Variants in MAML2 observed in about 807,000 individuals in gnomAD.
MAML2 encodes mastermind like transcriptional coactivator 2.
In MAML2, 22 loss-of-function variants were observed where a neutral mutation model predicts 96.1. That is an observed-to-expected ratio of 0.23 (90% CI 0.16 to 0.33). MAML2 has a LOEUF of 0.33. MAML2 is among the 10% of genes least tolerant of loss of function. The pLI is 1.00. For missense variants in MAML2, 1,367 were observed against 1,392.4 expected (o/e 0.98, Z 0.29); for synonymous variants, 561 against 521.3 (o/e 1.08, Z -1.04).
At chr11:96,129,591 A>G (rs1266395318) in intron 1 of MAML2, among the ~76,000 whole-genome samples, 1 of 152,138 alleles carries the variant, frequency 6.6e-6, no homozygotes, top group Non-Finnish European at 1.5e-5. Context: ...GGACACAACT[A>G]TGGGTAATTT....
chr11:96,167,663 T>G (rs1160253541), intron 1 of MAML2, among the ~76,000 whole-genome samples: 3 of 152,220 alleles, frequency 2.0e-5, no homozygotes, highest in African/African-American at 7.2e-5. Context: ...CTTCTCCCTC[T>G]TACTTGTCAC....
chr11:96,080,827 A>C (rs1008122523), intron 2 of MAML2, among the ~76,000 whole-genome samples: 3 of 152,226 alleles, frequency 2.0e-5, no homozygotes, highest in Non-Finnish European at 4.4e-5. Context: ...CTGAAGGAGT[A>C]AGATTATCAC....
chr11:96,231,801 G>A (rs1221250579), intron 1 of MAML2, among the ~76,000 whole-genome samples: 1 of 152,148 alleles, frequency 6.6e-6, no homozygotes, highest in Non-Finnish European at 1.5e-5. Context: ...TACCTACCCA[G>A]TCTTGTGGGC....
At chr11:96,324,580 AAAAAT>A (rs1315412644) in intron 1 of MAML2, among the ~76,000 whole-genome samples, 3 of 152,242 alleles carry the variant, frequency 2.0e-5, no homozygotes, top group Non-Finnish European at 4.4e-5. Context: ...ATGGAAATAC[AAAAAT>A]AAATAAGAAG....
intron 1 of MAML2, among the ~76,000 whole-genome samples, chr11:96,246,792 A>G (rs1232647492): frequency 6.6e-6 from 1 of 152,134 alleles, no homozygotes; most frequent in Non-Finnish European, 1.5e-5. Context: ...TAATATATAC[A>G]GTTTGAGGTT....
chr11:96,152,013 A>C (rs1213010157), intron 1 of MAML2, among the ~76,000 whole-genome samples: 1 of 152,192 alleles, frequency 6.6e-6, no homozygotes, highest in African/African-American at 2.4e-5. Flanking sequence ...ACTTGAGGCT[A>C]GGAGTTTAAG....
chr11:96,250,815 T>A (rs1862571592), intron 1 of MAML2, among the ~76,000 whole-genome samples: 1 of 152,228 alleles, frequency 6.6e-6, no homozygotes, highest in African/African-American at 2.4e-5. Flanking sequence ...GATTCAGGAT[T>A]AATAGTAACT....
chr11:96,005,045 T>C (rs151157573), intron 2 of MAML2, among the ~76,000 whole-genome samples: 1 of 152,170 alleles, frequency 6.6e-6, no homozygotes, highest in Non-Finnish European at 1.5e-5. Context: ...AATGCCATGA[T>C]GAGAAGGCAC....
chr11:96,026,942 T>C (rs1301972639), intron 2 of MAML2, among the ~76,000 whole-genome samples: 4 of 152,064 alleles, frequency 2.6e-5, no homozygotes, highest in African/African-American at 9.7e-5. Context: ...CTAACACCTA[T>C]AACAGTCCCT....
At chr11:96,028,073 C>T (rs535129456) in intron 2 of MAML2, among the ~76,000 whole-genome samples, 1 of 152,034 alleles carries the variant, frequency 6.6e-6, no homozygotes, top group Non-Finnish European at 1.5e-5. Flanking sequence ...AAACAAGGTC[C>T]CAATAATGTC....
At chr11:96,026,891 A>C (rs1275649655) in intron 2 of MAML2, among the ~76,000 whole-genome samples, 2 of 152,064 alleles carry the variant, frequency 1.3e-5, no homozygotes, top group East Asian at 1.9e-4. Flanking sequence ...TAAATAAATA[A>C]ATAAATAAAT....
intron 3 of MAML2, among the ~76,000 whole-genome samples, chr11:95,987,906 C>A (rs963065710): frequency 6.6e-6 from 1 of 152,094 alleles, no homozygotes; most frequent in Admixed American, 6.6e-5. Context: ...TGGTTTTGCC[C>A]AAACCCTAAA....
intron 1 of MAML2, among the ~76,000 whole-genome samples, chr11:96,255,757 G>A (rs2135969758): frequency 6.6e-6 from 1 of 151,732 alleles, no homozygotes; most frequent in East Asian, 1.9e-4. Flanking sequence ...GCAGAAGACA[G>A]AAAGAACCTG....
At chr11:96,332,234 C>T (rs1863864219) in intron 1 of MAML2, among the ~76,000 whole-genome samples, 1 of 152,210 alleles carries the variant, frequency 6.6e-6, no homozygotes, top group African/African-American at 2.4e-5. Flanking sequence ...AATTCCCATG[C>T]AACACGCACT....
intron 1 of MAML2, among the ~76,000 whole-genome samples, chr11:96,314,862 C>G (rs1218842144): frequency 6.6e-6 from 1 of 152,148 alleles, no homozygotes; most frequent in Non-Finnish European, 1.5e-5. Flanking sequence ...CCCCTGCAAT[C>G]CAGACTCTAG....
intron 1 of MAML2, among the ~76,000 whole-genome samples, chr11:96,321,144 C>T (rs1863694698): frequency 1.3e-5 from 2 of 152,216 alleles, no homozygotes; most frequent in African/African-American, 4.8e-5. Context: ...AAACATACTT[C>T]CAGATCTTTC....
chr11:96,215,625 T>C (rs1862037890), intron 1 of MAML2, among the ~76,000 whole-genome samples: 1 of 151,844 alleles, frequency 6.6e-6, no homozygotes, highest in East Asian at 1.9e-4. Context: ...TCATGAGCAG[T>C]TCACCGGTTA....
chr11:96,280,745 C>T (rs1863053590), intron 1 of MAML2, among the ~76,000 whole-genome samples: 1 of 152,202 alleles, frequency 6.6e-6, no homozygotes, highest in African/African-American at 2.4e-5. Flanking sequence ...TATATTGGGA[C>T]ATAATGATGA....
At chr11:96,247,454 A>G (rs533403817) in intron 1 of MAML2, among the ~76,000 whole-genome samples, 1 of 152,254 alleles carries the variant, frequency 6.6e-6, no homozygotes, top group African/African-American at 2.4e-5. Context: ...AAAAAGGTCA[A>G]ACTTCCTATG....
Sources: gnomAD v4.1 joint callset for allele counts (sites outside exome capture counted in the v4.1 genomes callset) on GRCh38, gnomAD v4.1.1 for gene constraint, MANE v1.5 for transcripts, NCBI Gene and HGNC (gene_info 2026-07-23, HGNC 2026-07-21) for gene names.